HECTD4: variants seen among roughly 807,000 people sequenced by gnomAD.
HECTD4 encodes the protein probable E3 ubiquitin-protein ligase HECTD4.
In HECTD4, 114 loss-of-function variants were observed where a neutral mutation model predicts 471.5. The ratio of observed to expected loss-of-function variants is 0.24; its 90% CI spans 0.21 to 0.28. The LOEUF is 0.28. Ranked by LOEUF, HECTD4 falls within the 10% of genes least tolerant of loss-of-function variation. The pLI is 1.00. For missense variants in HECTD4, 3,866 were observed against 5,651.5 expected, an observed-to-expected ratio of 0.68 and a Z score of 10.13; for synonymous variants, 2,012 against 2,256.0, an observed-to-expected ratio of 0.89 and a Z score of 3.07.
chr12:112,321,745 T>C (rs2035587638), intron 1 of HECTD4: 1 of 151,882 alleles, frequency 6.6e-6, no homozygotes, highest in Admixed American at 6.6e-5. Context: ...TGCAAATCAC[T>C]GAATTGAACT....
intron 7 of HECTD4, among the ~76,000 whole-genome samples, chr12:112,300,175 C>T (rs2035133330): frequency 6.6e-6 from 1 of 151,684 alleles, no homozygotes; most frequent in Non-Finnish European, 1.5e-5. Flanking sequence ...ATTAGCTGGG[C>T]ATGATGGCCT....
rs545028389 is a variant in HECTD4, at chr12:112,248,638, T to C, written c.3951-126A>G. On this transcript the variant is annotated intron_variant, in intron 25 of 75. Coordinates refer to ENST00000682272, the MANE Select transcript of HECTD4 (RefSeq NM_001388303.1). Reference sequence around the variant, plus strand: ...CTCTGTCACCTAGGCTGCAGTTCAGTGGAGCAATCATGGCTCACTGCAGCC... The same window carrying C: ...CTCTGTCACCTAGGCTGCAGTTCAGCGGAGCAATCATGGCTCACTGCAGCC... 4.6e-5 allele frequency: 27 copies of C among 585,070 alleles called. No individual in the cohort carries two copies. In the East Asian group the frequency reaches 8.3e-4, roughly 18 times the overall value. The allele number at this position is 585,070 out of a possible 1,614,324, so 36.2% of individuals were successfully genotyped here.
At chr12:112,171,610 C>T (rs1252658596) in intron 67 of HECTD4, among the ~76,000 whole-genome samples, 3 of 152,196 alleles carry the variant, frequency 2.0e-5, no homozygotes, top group African/African-American at 4.8e-5. Flanking sequence ...CAAAGAGTCC[C>T]GTGTACATTT....
At chr12:112,231,354 C>T (rs370169052) in intron 39 of HECTD4, 159 bp downstream of exon 39, 47 of 654,196 alleles carry the variant, frequency 7.2e-5, no homozygotes, top group South Asian at 2.4e-4. Flanking sequence ...TACTCCCCGA[C>T]GTACTCCAGG....
chr12:112,268,944 G>A (rs942443155), intron 13 of HECTD4, among the ~76,000 whole-genome samples: 1 of 119,422 alleles, frequency 8.4e-6, no homozygotes, highest in Non-Finnish European at 1.6e-5. Flanking sequence ...GCGCGATCTC[G>A]ACTCACTGCA....
intron 1 of HECTD4, among the ~76,000 whole-genome samples, chr12:112,352,881 GC>G (rs1164325732): frequency 5.9e-5 from 9 of 152,144 alleles, no homozygotes; most frequent in African/African-American, 2.2e-4. Flanking sequence ...TGCTGGGGTT[GC>G]AGGCATGAGA....
intron 7 of HECTD4, among the ~76,000 whole-genome samples, chr12:112,295,939 G>C (rs1440867001): frequency 6.6e-6 from 1 of 152,116 alleles, no homozygotes; most frequent in Non-Finnish European, 1.5e-5. Context: ...TGGGATTACA[G>C]GTGTGAGCCA....
rs1354956908 is a variant in HECTD4 at position 112,273,645 on chromosome 12, T to C, written c.1942+10A>G. 4.1e-5 allele frequency: 66 copies of C among 1,613,310 alleles called. No individual in the cohort carries two copies. Among genetic ancestry groups the C allele is most frequent in the Non-Finnish European group, 5.5e-5 (65 of 1,179,468 alleles). On this transcript the variant is annotated intron_variant, in intron 11 of 75. Coordinates refer to ENST00000682272, the MANE Select transcript of HECTD4 (RefSeq NM_001388303.1). ...AAATCTTTTCCTGCAAGACCCTGAG[T>C]GCACCTCACCTTTGGGCTCAGTGAT...
chr12:112,217,989 TA>T (rs996730009), intron 45 of HECTD4, among the ~76,000 whole-genome samples: 58 of 152,084 alleles, frequency 3.8e-4, no homozygotes, highest in Admixed American at 2.8e-3. Context: ...AATTTATTAT[TA>T]TTTTTTTATT....
chr12:112,329,370 G>T (rs28538322), intron 1 of HECTD4, among the ~76,000 whole-genome samples: 1,399 of 131,032 alleles, frequency 0.011, 11 homozygotes, highest in Non-Finnish European at 0.014. Flanking sequence ...TGGGTTTTTT[G>T]TTTTTTTTTT....
At chr12:112,218,522 G>A (rs2032997322) in intron 45 of HECTD4, among the ~76,000 whole-genome samples, 1 of 152,092 alleles carries the variant, frequency 6.6e-6, no homozygotes. Flanking sequence ...GGTCTTTTGT[G>A]TCTGGCTTCT....
chr12:112,257,188 T>C (rs1256423277), intron 20 of HECTD4, among the ~76,000 whole-genome samples: 1 of 152,210 alleles, frequency 6.6e-6, no homozygotes, highest in Non-Finnish European at 1.5e-5. Flanking sequence ...TACTGTCCAA[T>C]ATGGTAGCTA....
At chr12:112,363,366 G>A (rs569774762) in intron 1 of HECTD4, among the ~76,000 whole-genome samples, 4 of 152,086 alleles carry the variant, frequency 2.6e-5, no homozygotes, top group South Asian at 4.2e-4. Context: ...GCCTCCCAGA[G>A]TGCTGGGATT....
chr12:112,204,496 T>G lies in HECTD4; in HGVS notation c.8259A>C (p.Lys2753Asn). 6.2e-7 allele frequency: 1 copy of G among 1,612,192 alleles called. No homozygotes were observed. The highest frequency in any genetic ancestry group is 8.5e-7 in the Non-Finnish European group (1 of 1,179,326). Residue 2753 changes from lysine (K) to asparagine (N), a missense_variant, in exon 53 of 76, where the codon AAA becomes AAC. Physicochemically the swap from Lys to Asn is moderately conservative, Grantham distance 94 (BLOSUM62 0). Around this residue, in one of 16 missense-constraint regions of HECTD4, gnomAD observed 266 missense variants for 441.6 expected, o/e 0.60. Transcript: ENST00000682272. ...GGAGGAAAGCAAAACCTTTTCGAAC[T>G]TTATCAATTGTGAACTTGTTTGCTT... ...KDEANKFTID[K>N]VRKGLTVVTR...
At chr12:112,172,443 C>T (rs1397067846) in intron 67 of HECTD4, among the ~76,000 whole-genome samples, 1 of 152,240 alleles carries the variant, frequency 6.6e-6, no homozygotes, top group South Asian at 2.1e-4. Context: ...GCTTTGTTGT[C>T]ACTGGCATTA....
At chr12:112,192,469 G>A in intron 59 of HECTD4, 91 bp downstream of exon 59, 1 of 993,588 alleles carries the variant, frequency 1.0e-6, no homozygotes. Context: ...ACTGGAACAT[G>A]CAAGGTACAA....
At chr12:112,178,637 C>T (rs1378942203) in intron 64 of HECTD4, among the ~76,000 whole-genome samples, 1 of 152,172 alleles carries the variant, frequency 6.6e-6, no homozygotes, top group Non-Finnish European at 1.5e-5. Context: ...GAAGACCAGC[C>T]TGGCCAACAT....
intron 7 of HECTD4, among the ~76,000 whole-genome samples, chr12:112,294,094 GT>G (rs1473846918): frequency 6.6e-6 from 1 of 151,592 alleles, no homozygotes; most frequent in South Asian, 2.1e-4. Context: ...GAGAGATGAG[GT>G]CTCACTTTAT....
chr12:112,174,633 C>T (rs1302225872), intron 66 of HECTD4, among the ~76,000 whole-genome samples: 2 of 149,612 alleles, frequency 1.3e-5, no homozygotes, highest in East Asian at 2.0e-4. Context: ...GACACAATCT[C>T]GGCTCACTGC....
Sources: allele counts gnomAD v4.1 joint callset (sites outside exome capture counted in the v4.1 genomes callset), GRCh38; gene constraint gnomAD v4.1.1; regional missense constraint gnomAD v4.1.1; transcripts MANE v1.5; gene names NCBI Gene and HGNC (gene_info 2026-07-23, HGNC 2026-07-21).